The following SPINK14 variants were observed in gnomAD, a reference collection of about 807,000 sequenced individuals.
The protein encoded by SPINK14 is serine peptidase inhibitor Kazal type 14 (putative).
A neutral mutation model predicts 14.2 loss-of-function variants in SPINK14; 6 were observed. The observed-to-expected ratio is 0.42, with a 90% CI of 0.23 to 0.83. The LOEUF (loss-of-function observed/expected upper bound fraction) is 0.83. Among genes scored for constraint, SPINK14 ranks in the 40% least tolerant of loss-of-function variants. The pLI, the probability that SPINK14 is intolerant of heterozygous loss-of-function variation, is 0.28. For missense variants in SPINK14, 86 were observed against 108.3 expected (o/e 0.79, Z 0.91); for synonymous variants, 34 against 36.8 (o/e 0.92, Z 0.27).
chr5:148,172,802 C>CAT (rs397778850), intron 3 of SPINK14, among the ~76,000 whole-genome samples: 2 of 151,318 alleles, frequency 1.3e-5, no homozygotes, highest in African/African-American at 2.4e-5. Flanking sequence ...GGTTATGACA[C>CAT]GTCAGAAGAC....
intron 3 of SPINK14, among the ~76,000 whole-genome samples, chr5:148,171,844 G>A (rs2113281694): frequency 6.6e-6 from 1 of 152,180 alleles, no homozygotes; most frequent in South Asian, 2.1e-4. Flanking sequence ...TTATACCCTG[G>A]TCTCATAAAG....
rs1359185430 is a variant in SPINK14, at chr5:148,175,437, T to A, written c.*39T>A. On this transcript the variant is annotated 3_prime_UTR_variant, in exon 5 of 5. Coordinates refer to ENST00000356972, the MANE Select transcript of SPINK14 (RefSeq NM_001001325.2). ...AATGTGGAAGATATCTTCTTTTTTT[T>A]TTCCTCCATGTCTCCAATCTCCCTC... The A allele has an allele frequency of 3.2e-6, 1 of 311,054 alleles. No homozygotes were observed. The highest frequency in any genetic ancestry group is 8.9e-5 in the African/African-American group (1 of 11,206). The allele number at this position is 311,054 out of a possible 1,614,324, so 19.3% of individuals were successfully genotyped here.
At position 148,169,667 on chromosome 5, in the gene SPINK14, T is replaced by A. The variant is rs1755074404; in HGVS notation, c.-66T>A. On this transcript the variant is annotated 5_prime_UTR_variant, in exon 2 of 5. Transcript: ENST00000356972. ...CTGATTGTCTCTACTTTAGTGATTG[T>A]ATTAGAGGGCAACAACCTGAGACAA... The A allele has an allele frequency of 1.5e-6, 2 of 1,315,912 alleles. No homozygotes were observed. Among genetic ancestry groups the A allele is most frequent in the South Asian group, 2.4e-5 (2 of 81,698 alleles). The allele number at this position is 1,315,912 out of a possible 1,614,324, so 81.5% of individuals were successfully genotyped here.
At chr5:148,170,109 A>T (rs1168524242) in intron 2 of SPINK14, among the ~76,000 whole-genome samples, 1 of 149,322 alleles carries the variant, frequency 6.7e-6, no homozygotes. Flanking sequence ...ACATGTATAT[A>T]TATACTCTGA....
At chr5:148,173,128 TA>T (rs1029644965) in intron 3 of SPINK14, among the ~76,000 whole-genome samples, 44 of 147,960 alleles carry the variant, frequency 3.0e-4, no homozygotes, top group Admixed American at 1.2e-3. Flanking sequence ...TGGTGTTGAA[TA>T]AAAAAAGAGG....
Position 148,173,589 on chromosome 5 carries a change from T to C in SPINK14, c.112-645T>C, listed in dbSNP as rs1307239317. Among the ~76,000 whole-genome samples the C allele has an allele frequency of 6.1e-5, 6 of 98,154 alleles. 2 individuals carry two copies. Among genetic ancestry groups the C allele is most frequent in the Admixed American group, 3.7e-4 (4 of 10,672 alleles). The allele number at this position is 98,154 out of a possible 152,430, so 64.4% of individuals were successfully genotyped here. A position where few individuals can be genotyped will look rare whatever the true frequency, so the allele number is the denominator to read the frequency against. Reference sequence around the variant, plus strand: ...CTTTGCTGAGCTGTCATAGAAAGTCTCTAAGAATCTTTCCAGATCTAATAA... The same window carrying C: ...CTTTGCTGAGCTGTCATAGAAAGTCCCTAAGAATCTTTCCAGATCTAATAA... On this transcript the variant is annotated intron_variant, in intron 3 of 4. Transcript: ENST00000356972.
chr5:148,175,497 A>G lies in SPINK14; in HGVS notation c.*99A>G, dbSNP rs1755157258. 2 of 910,608 alleles carry G rather than the reference A, an allele frequency of 2.2e-6. No homozygotes were observed. The highest frequency in any genetic ancestry group is 3.5e-6 in the Non-Finnish European group (2 of 572,690). 56.4% of individuals were successfully genotyped at this position (910,608 alleles called of 1,614,324 possible). ...TTACATCTCCTTGCATTTGTTCTTC[A>G]TGACAAAGAGCTATCACTACTGAGC... On this transcript the variant is annotated 3_prime_UTR_variant, in exon 5 of 5. Coordinates refer to ENST00000356972, the MANE Select transcript of SPINK14 (RefSeq NM_001001325.2).
intron 4 of SPINK14, among the ~76,000 whole-genome samples, chr5:148,175,084 T>C (rs1755150561): frequency 2.9e-5 from 1 of 33,984 alleles, no homozygotes; most frequent in Admixed American, 2.1e-4. Flanking sequence ...GCCTCACACA[T>C]CACAAACTCG....
At chr5:148,171,018 G>A (rs1755098104) in intron 3 of SPINK14, 45 bp downstream of exon 3, 2 of 1,573,310 alleles carry the variant, frequency 1.3e-6, no homozygotes, top group African/African-American at 1.4e-5. Context: ...ATTATAATAT[G>A]AGTTCTTTTT....
At chr5:148,169,536 A>C (rs1413522980) in intron 1 of SPINK14, among the ~76,000 whole-genome samples, 125 bp from the exon 2 acceptor site, 2 of 152,172 alleles carry the variant, frequency 1.3e-5, no homozygotes, top group Non-Finnish European at 2.9e-5. Context: ...AACTTTTTAA[A>C]CATTTGTTTC....
chr5:148,169,659 A>G lies in SPINK14; in HGVS notation c.-72-2A>G, dbSNP rs1755074296. 2 of 1,179,114 alleles carry G rather than the reference A, an allele frequency of 1.7e-6. No individual in the cohort carries two copies. Among genetic ancestry groups the G allele is most frequent in the Admixed American group, 3.8e-5 (2 of 52,886 alleles). The allele number at this position is 1,179,114 out of a possible 1,614,324, so 73.0% of individuals were successfully genotyped here. A position where few individuals can be genotyped will look rare whatever the true frequency, so the allele number is the denominator to read the frequency against. ...CTTAAATCCTGATTGTCTCTACTTT[A>G]GTGATTGTATTAGAGGGCAACAACC... On this transcript the variant is annotated splice_acceptor_variant, in intron 1 of 4. Coordinates refer to ENST00000356972, the MANE Select transcript of SPINK14 (RefSeq NM_001001325.2). LOFTEE classifies it low-confidence loss of function (5UTR_SPLICE).
chr5:148,172,258 A>T (rs1338902032), intron 3 of SPINK14, among the ~76,000 whole-genome samples: 3 of 152,090 alleles, frequency 2.0e-5, no homozygotes, highest in Non-Finnish European at 4.4e-5. Flanking sequence ...GGGGAGAAAG[A>T]CCTTACCTAC....
At position 148,169,116 on chromosome 5, in the gene SPINK14, C is replaced by A. The variant is rs555215940; in HGVS notation, c.-72-545C>A. On this transcript the variant is annotated intron_variant, in intron 1 of 4. Coordinates refer to ENST00000356972, the MANE Select transcript of SPINK14 (RefSeq NM_001001325.2). ...GTCTGGATTAAAATAGCTGTGGGAC[C>A]CCAGTGAGATGGCAGATAATGATTT... 2.0e-5 allele frequency among the ~76,000 whole-genome samples: 3 copies of A among 152,178 alleles called. No homozygotes were observed. In the South Asian group the frequency reaches 6.2e-4, roughly 32 times the overall value.
At chr5:148,169,070 C>G (rs1165867559) in intron 1 of SPINK14, among the ~76,000 whole-genome samples, 1 of 152,100 alleles carries the variant, frequency 6.6e-6, no homozygotes, top group Non-Finnish European at 1.5e-5. Context: ...AGGATTTGCT[C>G]TCTGACTTTT....
chr5:148,169,694 A>G lies in SPINK14; in HGVS notation c.-39A>G. Reference sequence around the variant, plus strand: ...TTAGAGGGCAACAACCTGAGACAATATTTCAGAGCATCATTCCAAGGACAC... The same window carrying G: ...TTAGAGGGCAACAACCTGAGACAATGTTTCAGAGCATCATTCCAAGGACAC... On this transcript the variant is annotated 5_prime_UTR_variant, in exon 2 of 5. In the 5' UTR this introduces an upstream ATG that the reference lacks. Transcript: ENST00000356972. The G allele has an allele frequency of 6.5e-7, 1 of 1,547,672 alleles. No individual in the cohort carries two copies. Among genetic ancestry groups the G allele is most frequent in the Middle Eastern group, 1.7e-4 (1 of 5,924 alleles).
chr5:148,170,562 C>G (rs2113280387), intron 2 of SPINK14, among the ~76,000 whole-genome samples: 1 of 152,096 alleles, frequency 6.6e-6, no homozygotes, highest in East Asian at 1.9e-4. Context: ...TCTTTCATGC[C>G]TAAAAAAATA....
chr5:148,170,173 T>TACACACACAC (rs376416343), intron 2 of SPINK14, among the ~76,000 whole-genome samples: 5 of 133,852 alleles, frequency 3.7e-5, no homozygotes, highest in Admixed American at 1.5e-4. Context: ...TATATATATA[T>TACACACACAC]ACACACACAC....
In SPINK14 at chr5:148,175,362, T is replaced by G. The variant is rs573644655; in HGVS notation, c.258T>G (p.His86Gln). The change falls in exon 5 of 5, where the codon CAT becomes CAG. Residue 86 changes from histidine (H) to glutamine (Q), a missense_variant. Transcript: ENST00000356972. ...CILCVESLKS[H>Q]GRIRFYHDGK... ...CTGATTCTTCCTTTAGGAAATCTCA[T>G]GGAAGAATCAGGTTTTACCATGATG... 8 of 1,597,396 alleles carry G rather than the reference T, an allele frequency of 5.0e-6. No individual in the cohort carries two copies. The highest frequency in any genetic ancestry group is 6.9e-6 in the Non-Finnish European group (8 of 1,167,706).
At chr5:148,175,271 TTAGA>T in intron 4 of SPINK14, 78 bp from the exon 5 acceptor site, 1 of 922,666 alleles carries the variant, frequency 1.1e-6, no homozygotes, top group Non-Finnish European at 1.7e-6. Context: ...AAACCAGGTT[TTAGA>T]TAGATAATTT....
Sources: gnomAD v4.1 joint callset for allele counts (sites outside exome capture counted in the v4.1 genomes callset) on GRCh38, gnomAD v4.1.1 for gene constraint, MANE v1.5 for transcripts, NCBI Gene and HGNC (gene_info 2026-07-23, HGNC 2026-07-21) for gene names.